RANBP2: variants seen among roughly 807,000 people sequenced by gnomAD.
The protein encoded by RANBP2 is E3 SUMO-protein ligase RanBP2.
A neutral mutation model predicts 303.6 loss-of-function variants in RANBP2; 57 were observed. The observed-to-expected ratio is 0.19, with a 90% confidence interval of 0.15 to 0.23. The LOEUF (loss-of-function observed/expected upper bound fraction) is 0.23. Among genes scored for constraint, RANBP2 ranks in the 10% least tolerant of loss-of-function variants. The pLI, the probability that RANBP2 is intolerant of heterozygous loss-of-function variation, is 1.00. For synonymous variants in RANBP2, 1,167 were observed against 1,301.5 expected, an observed-to-expected ratio of 0.90 and a Z score of 2.23; for missense variants, 3,138 against 3,780.8, an observed-to-expected ratio of 0.83 and a Z score of 4.46.
At chr2:109,579,029 C>T in the RANBP2 span, among the ~76,000 whole-genome samples, 2 of 152,122 alleles carry the variant, frequency 1.3e-5, no homozygotes, top group Non-Finnish European at 2.9e-5. Context: ...ATTGACAACA[C>T]TTTGTCAAGA....
chr2:109,447,907 A>G, the RANBP2 span, among the ~76,000 whole-genome samples: 5 of 152,206 alleles, frequency 3.3e-5, no homozygotes, highest in African/African-American at 1.2e-4. Flanking sequence ...CCAGTTTTGT[A>G]AACCTGGAAG....
At chr2:108,824,397 A>T in the RANBP2 span, among the ~76,000 whole-genome samples, 1 of 152,316 alleles carries the variant, frequency 6.6e-6, no homozygotes, top group East Asian at 1.9e-4. Flanking sequence ...TCTGTTAAAA[A>T]CTAAGACACA....
At chr2:109,170,198 A>G in the RANBP2 span, among the ~76,000 whole-genome samples, 1 of 151,564 alleles carries the variant, frequency 6.6e-6, no homozygotes, top group Non-Finnish European at 1.5e-5. Context: ...GATGAACGAG[A>G]TGTTTTCTTT....
chr2:109,448,376 T>C, the RANBP2 span, among the ~76,000 whole-genome samples: 2 of 152,214 alleles, frequency 1.3e-5, no homozygotes, highest in African/African-American at 2.4e-5. Context: ...CCATGGTCTG[T>C]TAGGAACTGG....
At chr2:109,419,526 T>C in the RANBP2 span, 4 of 1,582,796 alleles carry the variant, frequency 2.5e-6, 1 homozygote, top group South Asian at 4.6e-5. Flanking sequence ...TGTCCCCTCT[T>C]GTCTGTTTCC....
the RANBP2 span, among the ~76,000 whole-genome samples, chr2:109,046,034 G>A: frequency 6.6e-6 from 1 of 152,096 alleles, no homozygotes; most frequent in African/African-American, 2.4e-5. Flanking sequence ...GCCGGGCATG[G>A]TGTCTCACAC....
At chr2:109,394,227 G>T in the RANBP2 span, among the ~76,000 whole-genome samples, 3 of 152,346 alleles carry the variant, frequency 2.0e-5, no homozygotes, top group East Asian at 5.8e-4. Flanking sequence ...ACCTAAGAAA[G>T]CTGGGGAGAC....
the RANBP2 span, among the ~76,000 whole-genome samples, chr2:109,146,901 C>G: frequency 2.8e-5 from 3 of 107,584 alleles, no homozygotes; most frequent in Non-Finnish European, 3.7e-5. Flanking sequence ...CCCCCCCCCC[C>G]GCCCCAATAT....
the RANBP2 span, chr2:109,251,752 TTAAA>T: frequency 5.0e-5 from 30 of 604,972 alleles, no homozygotes; most frequent in African/African-American, 7.4e-5. Flanking sequence ...AGACTTTTTG[TTAAA>T]TAAACTTTTG....
At chr2:108,938,805 C>A in the RANBP2 span, among the ~76,000 whole-genome samples, 3 of 149,012 alleles carry the variant, frequency 2.0e-5, no homozygotes, top group Non-Finnish European at 4.5e-5. Context: ...GCCCCACCCC[C>A]CAGAGTCTTG....
the RANBP2 span, chr2:108,798,531 G>A: frequency 6.2e-7 from 1 of 1,613,852 alleles, no homozygotes; most frequent in Non-Finnish European, 8.5e-7. Context: ...AATGCCTTGA[G>A]TAAAATTAAA....
At chr2:108,872,466 T>C in the RANBP2 span, among the ~76,000 whole-genome samples, 3 of 152,214 alleles carry the variant, frequency 2.0e-5, no homozygotes, top group East Asian at 5.8e-4. Flanking sequence ...CACATAACCA[T>C]TGTCTCCAGT....
At chr2:109,486,404 G>A in the RANBP2 span, among the ~76,000 whole-genome samples, 2 of 152,152 alleles carry the variant, frequency 1.3e-5, no homozygotes, top group African/African-American at 4.8e-5. Context: ...GGCAGGTGGA[G>A]GTCTTGGATA....
chr2:108,856,177 G>GA, the RANBP2 span, among the ~76,000 whole-genome samples: 1 of 152,158 alleles, frequency 6.6e-6, no homozygotes, highest in Non-Finnish European at 1.5e-5. Flanking sequence ...ACTTCTTTAA[G>GA]AAAGTTTCAG....
the RANBP2 span, among the ~76,000 whole-genome samples, chr2:109,130,296 G>A: frequency 6.6e-6 from 1 of 152,206 alleles, no homozygotes; most frequent in Non-Finnish European, 1.5e-5. Flanking sequence ...TGGGCAGCTC[G>A]CCGCTTGTTC....
chr2:108,913,932 A>G, the RANBP2 span, among the ~76,000 whole-genome samples: 1 of 130,210 alleles, frequency 7.7e-6, no homozygotes, highest in African/African-American at 2.8e-5. Flanking sequence ...CCTGGGTGAC[A>G]CAGTGCGATT....
At chr2:109,203,573 C>G in the RANBP2 span, among the ~76,000 whole-genome samples, 4 of 152,172 alleles carry the variant, frequency 2.6e-5, no homozygotes, top group African/African-American at 9.7e-5. Flanking sequence ...CCATGTGGTT[C>G]GTCCAGCTCT....
chr2:109,702,604 A>T, the RANBP2 span, among the ~76,000 whole-genome samples: 9 of 152,134 alleles, frequency 5.9e-5, no homozygotes, highest in Admixed American at 3.3e-4. Context: ...ACACAGTAAG[A>T]CATACCCTTG....
the RANBP2 span, chr2:109,398,643 T>C: frequency 2.5e-6 from 4 of 1,601,150 alleles, no homozygotes; most frequent in South Asian, 2.3e-5. Flanking sequence ...GCCCAGCCGC[T>C]GCATCCAGCT....
Sources: allele counts gnomAD v4.1 joint callset (sites outside exome capture counted in the v4.1 genomes callset), GRCh38; gene constraint gnomAD v4.1.1; transcripts MANE v1.5; gene names NCBI Gene and HGNC (gene_info 2026-07-23, HGNC 2026-07-21).